FNDC3A: variants seen among roughly 807,000 people sequenced by gnomAD.
FNDC3A encodes the protein fibronectin type-III domain-containing protein 3A.
A neutral mutation model predicts 148.9 loss-of-function variants in FNDC3A; 32 were observed. The ratio of observed to expected loss-of-function variants is 0.21; its 90% CI spans 0.16 to 0.29. The LOEUF is 0.29. Among genes scored for constraint, FNDC3A ranks in the 10% least tolerant of loss-of-function variants. The pLI, the probability that FNDC3A is intolerant of heterozygous loss-of-function variation, is 1.00. For missense variants in FNDC3A, 1,191 were observed against 1,452.8 expected, an observed-to-expected ratio of 0.82 and a Z score of 2.93; for synonymous variants, 472 against 473.6, an observed-to-expected ratio of 1.00 and a Z score of 0.04.
At chr13:49,118,678 T>A (rs1171751672) in intron 4 of FNDC3A, among the ~76,000 whole-genome samples, 1 of 152,086 alleles carries the variant, frequency 6.6e-6, no homozygotes, top group Non-Finnish European at 1.5e-5. Flanking sequence ...GGGAGGGGCG[T>A]CTGCCATTAC....
chr13:49,010,273 A>T (rs938325496), intron 2 of FNDC3A, among the ~76,000 whole-genome samples: 9 of 152,164 alleles, frequency 5.9e-5, no homozygotes, highest in African/African-American at 2.2e-4. Flanking sequence ...CTGGCCTGGG[A>T]TGGCTTAGGG....
chr13:49,068,837 G>T (rs1392036698), intron 2 of FNDC3A, among the ~76,000 whole-genome samples: 1 of 152,138 alleles, frequency 6.6e-6, no homozygotes, highest in Non-Finnish European at 1.5e-5. Context: ...TTACTTACAA[G>T]TGGGAGCTAA....
chr13:49,071,003 A>G (rs564005372), intron 2 of FNDC3A, among the ~76,000 whole-genome samples: 1 of 146,334 alleles, frequency 6.8e-6, no homozygotes, highest in African/African-American at 2.5e-5. Context: ...AGATAAAGCA[A>G]TCCTCCTGCC....
chr13:49,183,856 T>C (rs536678371), intron 14 of FNDC3A, among the ~76,000 whole-genome samples: 3 of 152,332 alleles, frequency 2.0e-5, no homozygotes, highest in Admixed American at 2.0e-4. Context: ...TATGGTGTTA[T>C]ATAGCATCAT....
intron 3 of FNDC3A, among the ~76,000 whole-genome samples, chr13:49,091,587 T>C (rs1879194769): frequency 1.3e-5 from 2 of 152,240 alleles, no homozygotes; most frequent in Non-Finnish European, 2.9e-5. Flanking sequence ...TTCAAGAATG[T>C]CCTAGAAAGG....
chr13:49,018,845 G>C (rs1000532728), intron 2 of FNDC3A, among the ~76,000 whole-genome samples: 3 of 152,216 alleles, frequency 2.0e-5, no homozygotes, highest in Non-Finnish European at 2.9e-5. Context: ...CTGCAGGTCT[G>C]TTGGAGTACC....
intron 3 of FNDC3A, among the ~76,000 whole-genome samples, chr13:49,101,800 T>TG (rs1261750219): frequency 1.3e-5 from 2 of 151,132 alleles, no homozygotes; most frequent in Non-Finnish European, 3.0e-5. Context: ...TTTAGTTTTT[T>TG]TTTTTTTTTT....
At chr13:49,193,791 G>T (rs924863070) in intron 19 of FNDC3A, among the ~76,000 whole-genome samples, 9 of 152,008 alleles carry the variant, frequency 5.9e-5, no homozygotes, top group Admixed American at 4.6e-4. Flanking sequence ...ATAGTGGCGT[G>T]TGCCTGTAAT....
intron 1 of FNDC3A, among the ~76,000 whole-genome samples, chr13:48,995,008 C>A (rs1463164186): frequency 6.6e-6 from 1 of 152,074 alleles, no homozygotes; most frequent in East Asian, 1.9e-4. Flanking sequence ...ACTCTTACAT[C>A]ATGATCTGAG....
Position 49,188,608 on chromosome 13 carries a change from G to A in FNDC3A, c.1919G>A (p.Cys640Tyr). The A allele has an allele frequency of 6.2e-7, 1 of 1,612,184 alleles. No individual in the cohort carries two copies. Among genetic ancestry groups the A allele is most frequent in the South Asian group, 1.1e-5 (1 of 91,030 alleles). Residue 640 changes from cysteine (C) to tyrosine (Y), a missense_variant, in exon 17 of 26, where the codon TGC becomes TAC. Transcript: ENST00000492622. ...PGCFYRLRVYCISDGGQSAVS... is the reference protein window; with the variant it reads ...PGCFYRLRVYYISDGGQSAVS... Reference sequence around the variant, plus strand: ...TGTTTCTATCGTTTACGAGTTTACTGCATCAGTGATGGAGGACAGAGTGCG... The same window carrying A: ...TGTTTCTATCGTTTACGAGTTTACTACATCAGTGATGGAGGACAGAGTGCG...
At position 49,175,427 on chromosome 13, in the gene FNDC3A, T is replaced by C; in HGVS notation, c.1416T>C (p.Ser472=). 1 of 1,613,312 alleles carries C rather than the reference T, an allele frequency of 6.2e-7. No homozygotes were observed. Among genetic ancestry groups the C allele is most frequent in the South Asian group, 1.1e-5 (1 of 91,010 alleles). ...TSGCAPSMPA[S]PVLTKAGITW... is the part of the protein sequence containing the mutation. Reference sequence around the variant, plus strand: ...GCTGTGCTCCTTCTATGCCAGCAAGTCCTGTATTAACCAAGGCTGGAATTA... The same window carrying C: ...GCTGTGCTCCTTCTATGCCAGCAAGCCCTGTATTAACCAAGGCTGGAATTA... The change falls in exon 13 of 26, where the codon AGT becomes AGC. Residue 472 remains serine, a synonymous_variant. Transcript: ENST00000492622.
intron 2 of FNDC3A, among the ~76,000 whole-genome samples, chr13:49,050,609 A>G (rs1385274904): frequency 6.6e-6 from 1 of 152,192 alleles, no homozygotes; most frequent in Non-Finnish European, 1.5e-5. Flanking sequence ...AACAGAATGT[A>G]TATTCTGCAG....
chr13:49,007,591 T>A (rs1467469455), intron 2 of FNDC3A, among the ~76,000 whole-genome samples: 1 of 152,154 alleles, frequency 6.6e-6, no homozygotes, highest in Non-Finnish European at 1.5e-5. Context: ...CATATTCTGT[T>A]AAGGGGAAGA....
Position 49,194,082 on chromosome 13 carries a change from G to A in FNDC3A, c.2226+2698G>A, listed in dbSNP as rs147137425. Among the ~76,000 whole-genome samples, 603 of 152,200 alleles carry A rather than the reference G, an allele frequency of 4.0e-3. 4 individuals carry two copies. The highest frequency in any genetic ancestry group is 7.4e-3 in the Non-Finnish European group (506 of 67,996). On this transcript the variant is annotated intron_variant, in intron 19 of 25. Transcript: ENST00000492622. ...TCGGGACCAGCCTGGCCAACATCGG[G>A]AAACCCCATATCTACTAAAAATACA...
At chr13:49,034,610 G>C (rs1430840926) in intron 2 of FNDC3A, among the ~76,000 whole-genome samples, 1 of 151,950 alleles carries the variant, frequency 6.6e-6, no homozygotes, top group Non-Finnish European at 1.5e-5. Flanking sequence ...TAAGCATAAT[G>C]AATTGCTTTT....
At chr13:49,158,547 A>G (rs1349678994) in intron 8 of FNDC3A, among the ~76,000 whole-genome samples, 5 of 151,806 alleles carry the variant, frequency 3.3e-5, no homozygotes, top group Non-Finnish European at 5.9e-5. Flanking sequence ...GATTGCAAAA[A>G]TTTTCTCCCA....
intron 17 of FNDC3A, among the ~76,000 whole-genome samples, chr13:49,189,403 G>A (rs1326281954): frequency 6.6e-6 from 1 of 151,922 alleles, no homozygotes; most frequent in South Asian, 2.1e-4. Context: ...GGCTGGCCTC[G>A]AACTCCTGAC....
upstream of FNDC3A, chr13:48,975,399 T>C (rs1951580864): frequency 1.3e-5 from 2 of 152,172 alleles, no homozygotes; most frequent in African/African-American, 2.4e-5. Context: ...TGAGTAAATA[T>C]CTAAATATTT....
intron 1 of FNDC3A, among the ~76,000 whole-genome samples, chr13:49,003,866 G>A (rs536819919): frequency 5.4e-4 from 82 of 152,144 alleles, no homozygotes; most frequent in Admixed American, 9.2e-4. Context: ...ATAGAGCACT[G>A]ATCCAAACAT....
Sources: allele counts gnomAD v4.1 joint callset (sites outside exome capture counted in the v4.1 genomes callset), GRCh38; gene constraint gnomAD v4.1.1; transcripts MANE v1.5; gene names NCBI Gene and HGNC (gene_info 2026-07-23, HGNC 2026-07-21).